The following COG7 variants were observed in gnomAD, a reference collection of about 807,000 sequenced individuals.
COG7 encodes the protein conserved oligomeric Golgi complex subunit 7.
In COG7, 49 loss-of-function variants were observed where a neutral mutation model predicts 91.5. The ratio of observed to expected loss-of-function variants is 0.54; its 90% CI spans 0.43 to 0.68. The LOEUF is 0.68. COG7 is among the 30% of genes least tolerant of loss of function. COG7 has a pLI of 0.00. For synonymous variants in COG7, 365 were observed against 388.7 expected, an observed-to-expected ratio of 0.94 and a Z score of 0.72; for missense variants, 895 against 961.3, an observed-to-expected ratio of 0.93 and a Z score of 0.91.
At chr16:23,389,126 T>A (rs768929808) in intron 16 of COG7, 40 bp from the exon 17 acceptor site, 1 of 1,608,112 alleles carries the variant, frequency 6.2e-7, no homozygotes, top group Non-Finnish European at 8.5e-7. Flanking sequence ...CTCCACAGAC[T>A]CAGCACCAAG....
In COG7 at chr16:23,393,248, A is replaced by G; in HGVS notation, c.1987T>C (p.Phe663Leu). 1 of 1,613,756 alleles carries G rather than the reference A, an allele frequency of 6.2e-7. No homozygotes were observed. The highest frequency in any genetic ancestry group is 1.1e-5 in the South Asian group (1 of 91,050). The change falls in exon 15 of 17, where the codon TTT becomes CTT. Residue 663 changes from phenylalanine to leucine, a missense_variant. Physicochemically the swap from Phe to Leu is conservative, Grantham distance 22 (BLOSUM62 0). Coordinates refer to ENST00000307149, the MANE Select transcript of COG7 (RefSeq NM_153603.4). ...CCCCGCTTACCCTGCTCAGGAGGAAATGGCAGCTTTCCAGCGTGCAATGCC... is the reference window on the plus strand; with the variant it reads ...CCCCGCTTACCCTGCTCAGGAGGAAGTGGCAGCTTTCCAGCGTGCAATGCC... ...ELALHAGKLP[F>L]PPEQGDELPE...
intron 10 of COG7, among the ~76,000 whole-genome samples, chr16:23,411,091 G>A (rs978340819): frequency 3.3e-5 from 5 of 152,130 alleles, no homozygotes; most frequent in African/African-American, 1.2e-4. Context: ...AAATGTTTTG[G>A]TACTAGAAGT....
intron 4 of COG7, among the ~76,000 whole-genome samples, chr16:23,439,244 TCAAA>T (rs926669760): frequency 2.5e-5 from 3 of 118,754 alleles, no homozygotes; most frequent in Admixed American, 2.3e-4. Context: ...AAGCTGGAAC[TCAAA>T]CAGACAGATC....
chr16:23,449,380 T>TTAAAATAAAATAAAATAAAATAAAA (rs373494185), intron 1 of COG7, among the ~76,000 whole-genome samples: 34 of 134,714 alleles, frequency 2.5e-4, no homozygotes, highest in Admixed American at 1.8e-3. Context: ...TAAAATTAAA[T>TTAAAATAAAATAAAATAAAATAAAA]TAAAATAAAA....
intron 3 of COG7, 42 bp downstream of exon 3, chr16:23,445,006 G>C (rs1001270760): frequency 7.0e-7 from 1 of 1,433,140 alleles, no homozygotes; most frequent in African/African-American, 1.4e-5. Flanking sequence ...TCAAGTTCTT[G>C]CTTAAATACC....
At chr16:23,433,157 G>C (rs1458645495) in intron 6 of COG7, among the ~76,000 whole-genome samples, 1 of 152,164 alleles carries the variant, frequency 6.6e-6, no homozygotes, top group African/African-American at 2.4e-5. Flanking sequence ...CCAAGCTGAA[G>C]TGTAGTGGTG....
At position 23,453,097 on chromosome 16, in the gene COG7, T is replaced by G. The variant is rs1964293975; in HGVS notation, c.-103A>C. The G allele has an allele frequency of 1.9e-6, 3 of 1,556,858 alleles. No homozygotes were observed. Among genetic ancestry groups the G allele is most frequent in the Non-Finnish European group, 2.6e-6 (3 of 1,149,082 alleles). ...GCCTGCGAGAGCACCGAGGCTAGCC[T>G]CCGAGGCGAACCCCAGAAACGCCAG... On this transcript the variant is annotated 5_prime_UTR_variant, in exon 1 of 17. Transcript: ENST00000307149.
At chr16:23,414,958 C>G (rs1963628977) in intron 9 of COG7, 1 of 152,266 alleles carries the variant, frequency 6.6e-6, no homozygotes, top group African/African-American at 2.4e-5. Context: ...ACCCAGGGCA[C>G]AGCCCCAAAA....
intron 9 of COG7, 28 bp downstream of exon 9, chr16:23,416,939 C>T (rs150124186): frequency 5.8e-5 from 93 of 1,613,996 alleles, no homozygotes; most frequent in South Asian, 2.5e-4. Context: ...CAATGTGGCC[C>T]GTCTGGTCCC....
intron 14 of COG7, among the ~76,000 whole-genome samples, chr16:23,396,060 C>G (rs534311879): frequency 6.6e-6 from 1 of 152,368 alleles, no homozygotes; most frequent in East Asian, 1.9e-4. Flanking sequence ...CCCAGCCCCA[C>G]TCCCACTGTG....
chr16:23,409,107 G>GCA (rs1963521166), intron 11 of COG7, among the ~76,000 whole-genome samples: 1 of 151,416 alleles, frequency 6.6e-6, no homozygotes, highest in Admixed American at 6.6e-5. Flanking sequence ...GTGTGTGTGT[G>GCA]TGTGTGTGTA....
intron 11 of COG7, among the ~76,000 whole-genome samples, chr16:23,408,659 T>A (rs927980149): frequency 6.6e-6 from 1 of 152,006 alleles, no homozygotes; most frequent in Non-Finnish European, 1.5e-5. Flanking sequence ...CCTAACTCAC[T>A]CCTGAATGCC....
intron 1 of COG7, among the ~76,000 whole-genome samples, chr16:23,449,385 A>T (rs1015804770): frequency 2.5e-4 from 11 of 43,326 alleles, no homozygotes; most frequent in Non-Finnish European, 3.9e-4. Flanking sequence ...TTAAATTAAA[A>T]TAAAATAAAA....
intron 16 of COG7, chr16:23,392,162 T>C: frequency 3.5e-6 from 5 of 1,437,932 alleles, no homozygotes; most frequent in Non-Finnish European, 4.6e-6. Flanking sequence ...TCAAGTCCTC[T>C]TCGAAAACAT....
chr16:23,442,639 CTA>C lies in COG7; in HGVS notation c.440_441del (p.Ile147SerfsTer19). ...CCTGTTAGCTTGGCAGAAATCACAG[CTA>C]TGTCCTAGAAAAGACCAGAATAGAG... ...DIEETFKTQD[I>X]AVISAKLTGM... On this transcript the variant is annotated frameshift_variant, in exon 4 of 17. Transcript: ENST00000307149. LOFTEE classifies it high-confidence loss of function. The C allele has an allele frequency of 6.2e-7, 1 of 1,613,402 alleles. No individual in the cohort carries two copies. The highest frequency in any genetic ancestry group is 8.5e-7 in the Non-Finnish European group (1 of 1,179,354).
At position 23,389,003 on chromosome 16, in the gene COG7, G is replaced by T. The variant is rs2142055721; in HGVS notation, c.2230C>A (p.Pro744Thr). 1 of 1,614,080 alleles carries T rather than the reference G, an allele frequency of 6.2e-7. No individual in the cohort carries two copies. Among genetic ancestry groups the T allele is most frequent in the African/African-American group, 1.3e-5 (1 of 75,026 alleles). Residue 744 changes from proline (P) to threonine (T), a missense_variant, in exon 17 of 17, where the codon CCT (proline) becomes ACT (threonine). Transcript: ENST00000307149. ...QHIVTLLKTRPEDYRQVSKGL... is the reference protein window; with the variant it reads ...QHIVTLLKTRTEDYRQVSKGL... Reference sequence around the variant, plus strand: ...TTGCTGACCTGTCTATAGTCCTCAGGCCTGGTCTTCAGTAGCGTCACGATG... The same window carrying T: ...TTGCTGACCTGTCTATAGTCCTCAGTCCTGGTCTTCAGTAGCGTCACGATG...
intron 16 of COG7, among the ~76,000 whole-genome samples, chr16:23,391,492 C>G (rs531791360): frequency 6.6e-6 from 1 of 152,302 alleles, no homozygotes; most frequent in East Asian, 1.9e-4. Context: ...CCAGGCCTGG[C>G]TCCATCACTA....
intron 14 of COG7, 47 bp from the exon 15 acceptor site, chr16:23,393,394 T>G (rs1963232895): frequency 7.1e-7 from 1 of 1,403,910 alleles, no homozygotes; most frequent in South Asian, 1.2e-5. Context: ...CACATACGGG[T>G]TATTACTTTA....
At chr16:23,418,931 A>T (rs1963703764) in intron 7 of COG7, 104 bp from the exon 8 acceptor site, 1 of 991,848 alleles carries the variant, frequency 1.0e-6, no homozygotes, top group Non-Finnish European at 1.6e-6. Context: ...TCCCCATTTG[A>T]TCTCCAGAGG....
Sources: allele counts gnomAD v4.1 joint callset (sites outside exome capture counted in the v4.1 genomes callset), GRCh38; gene constraint gnomAD v4.1.1; transcripts MANE v1.5; gene names NCBI Gene and HGNC (gene_info 2026-07-23, HGNC 2026-07-21).